EPHA6: variants seen among roughly 807,000 people sequenced by gnomAD.
EPHA6 encodes the protein ephrin type-A receptor 6.
A neutral mutation model predicts 112.0 loss-of-function variants in EPHA6; 50 were observed. The observed-to-expected ratio is 0.45, with a 90% confidence interval of 0.36 to 0.56. The LOEUF is 0.56. EPHA6 is among the 20% of genes least tolerant of loss of function. EPHA6 has a pLI of 0.00. For missense variants in EPHA6, 1,280 were observed against 1,417.4 expected, an observed-to-expected ratio of 0.90 and a Z score of 1.56; for synonymous variants, 529 against 490.7, an observed-to-expected ratio of 1.08 and a Z score of -1.03.
intron 6 of EPHA6, among the ~76,000 whole-genome samples, chr3:97,433,706 G>A (rs1431430314): frequency 2.6e-5 from 4 of 152,126 alleles, no homozygotes; most frequent in African/African-American, 9.7e-5. Flanking sequence ...AAAGTCAGGT[G>A]GATGACCTCC....
intron 3 of EPHA6, among the ~76,000 whole-genome samples, chr3:97,030,919 T>C (rs2044807989): frequency 6.6e-6 from 1 of 152,012 alleles, no homozygotes; most frequent in African/African-American, 2.4e-5. Flanking sequence ...ATGTGTGTTA[T>C]TTAACATACT....
intron 17 of EPHA6, among the ~76,000 whole-genome samples, chr3:97,748,216 G>A (rs890375261): frequency 6.6e-6 from 1 of 151,966 alleles, no homozygotes. Flanking sequence ...TGCTAATACT[G>A]TTGCAAATGT....
At chr3:97,712,158 C>A (rs1215985989) in intron 14 of EPHA6, among the ~76,000 whole-genome samples, 1 of 152,070 alleles carries the variant, frequency 6.6e-6, no homozygotes, top group East Asian at 1.9e-4. Flanking sequence ...AAAATAAAAT[C>A]CATTACTTTT....
chr3:97,758,797 T>A lies in EPHA6; in HGVS notation c.*10096T>A, dbSNP rs1414928670. On this transcript the variant is annotated 3_prime_UTR_variant, in exon 18 of 18. Coordinates refer to ENST00000389672, the MANE Select transcript of EPHA6 (RefSeq NM_001080448.3). The stretch of plus-strand genomic sequence containing the variant: ...GAGCATTACAAGCAGAGGGAAAATT[T>A]AATGAATGAAATTACAAGCAGAGGG... 1.3e-5 allele frequency among the ~76,000 whole-genome samples: 2 copies of A among 151,768 alleles called. No individual in the cohort carries two copies. The highest frequency in any genetic ancestry group is 4.8e-5 in the African/African-American group (2 of 41,348).
At chr3:97,440,573 CAATCT>C (rs1462146367) in intron 6 of EPHA6, among the ~76,000 whole-genome samples, 2 of 150,860 alleles carry the variant, frequency 1.3e-5, no homozygotes, top group East Asian at 3.9e-4. Context: ...ACCACATCTC[CAATCT>C]ATTTATTTTA....
At chr3:97,350,008 C>T (rs2083727145) in intron 5 of EPHA6, among the ~76,000 whole-genome samples, 1 of 151,388 alleles carries the variant, frequency 6.6e-6, no homozygotes, top group African/African-American at 2.4e-5. Context: ...CCAGTATGAC[C>T]TACTTCTCAC....
intron 3 of EPHA6, among the ~76,000 whole-genome samples, chr3:97,187,156 T>C (rs1018555260): frequency 6.6e-6 from 1 of 152,176 alleles, no homozygotes; most frequent in African/African-American, 2.4e-5. Context: ...GGTTTAGTCC[T>C]GTGGCTCTTT....
At chr3:97,694,485 C>T (rs1399230138) in intron 14 of EPHA6, among the ~76,000 whole-genome samples, 1 of 152,214 alleles carries the variant, frequency 6.6e-6, no homozygotes, top group African/African-American at 2.4e-5. Flanking sequence ...GATCCACCCG[C>T]CTTGGCCTCC....
chr3:97,106,480 G>C (rs532013181), intron 3 of EPHA6, among the ~76,000 whole-genome samples: 8 of 152,070 alleles, frequency 5.3e-5, no homozygotes, highest in African/African-American at 1.9e-4. Context: ...AGGCCGCTGA[G>C]CAGCCTGACT....
Position 97,244,136 on chromosome 3 carries a change from A to G in EPHA6, c.1455A>G (p.Arg485=). 2 of 1,613,066 alleles carry G rather than the reference A, an allele frequency of 1.2e-6. No homozygotes were observed. The highest frequency in any genetic ancestry group is 1.7e-6 in the Non-Finnish European group (2 of 1,179,348). The change falls in exon 5 of 18, where the codon AGA becomes AGG. Residue 485 remains arginine (R), a synonymous_variant. Coordinates refer to ENST00000389672, the MANE Select transcript of EPHA6 (RefSeq NM_001080448.3). Reference sequence around the variant, plus strand: ...GTGGAGGACTCCGCTTCATCCCAAGACATACAGGCCTGATCAACAATTCCG... The same window carrying G: ...GTGGAGGACTCCGCTTCATCCCAAGGCATACAGGCCTGATCAACAATTCCG... ...DCGGGLRFIP[R]HTGLINNSVI...
intron 3 of EPHA6, among the ~76,000 whole-genome samples, chr3:97,182,088 G>T (rs1305091203): frequency 6.6e-6 from 1 of 151,980 alleles, no homozygotes; most frequent in Non-Finnish European, 1.5e-5. Context: ...AACAAACTTG[G>T]TGCTTGCCCT....
intron 14 of EPHA6, among the ~76,000 whole-genome samples, chr3:97,664,622 T>A (rs370309130): frequency 1.3e-5 from 2 of 152,144 alleles, no homozygotes; most frequent in South Asian, 4.2e-4. Context: ...CTTGAGCAAA[T>A]TCTCAGGATA....
Position 97,484,552 on chromosome 3 carries a change from T to C in EPHA6, c.2200+493T>C, listed in dbSNP as rs1577541810. ...TTCCAATCTTAGAACATTTTATTAT[T>C]CAACTATCCTGAATAAATACAAATT... On this transcript the variant is annotated intron_variant, in intron 10 of 17. Transcript: ENST00000389672. 5.9e-5 allele frequency among the ~76,000 whole-genome samples: 9 copies of C among 152,360 alleles called. No homozygotes were observed. In the South Asian group the frequency reaches 1.9e-3, roughly 32 times the overall value.
intron 14 of EPHA6, among the ~76,000 whole-genome samples, chr3:97,674,987 G>A (rs1348037725): frequency 6.6e-6 from 1 of 152,104 alleles, no homozygotes; most frequent in Non-Finnish European, 1.5e-5. Context: ...CAGCCTTAGG[G>A]GGATTTTTGC....
chr3:97,732,247 ATCACATC>A (rs2035068576), intron 15 of EPHA6, among the ~76,000 whole-genome samples: 1 of 151,148 alleles, frequency 6.6e-6, no homozygotes, highest in African/African-American at 2.4e-5. Context: ...TGCATTCTAG[ATCACATC>A]TCCTTTCCTC....
intron 5 of EPHA6, among the ~76,000 whole-genome samples, chr3:97,295,620 T>A (rs1001494350): frequency 3.3e-5 from 5 of 152,140 alleles, no homozygotes; most frequent in Non-Finnish European, 2.9e-5. Context: ...TCCTTTTTTT[T>A]AATGTTTCTT....
At chr3:97,187,122 G>A (rs1276122740) in intron 3 of EPHA6, among the ~76,000 whole-genome samples, 2 of 151,964 alleles carry the variant, frequency 1.3e-5, no homozygotes, top group African/African-American at 2.4e-5. Flanking sequence ...TTTATTTCTC[G>A]TTCACATTAT....
chr3:97,659,354 G>A (rs1032984421), intron 14 of EPHA6, among the ~76,000 whole-genome samples: 53 of 151,794 alleles, frequency 3.5e-4, no homozygotes, highest in African/African-American at 2.9e-4. Flanking sequence ...CAGGCTTTTC[G>A]GTGACATTTT....
chr3:97,434,201 G>T lies in EPHA6; in HGVS notation c.1732-14367G>T, dbSNP rs78652952. Among the ~76,000 whole-genome samples the T allele has an allele frequency of 8.1e-3, 1,231 of 152,170 alleles. 20 individuals are homozygous for T. Among genetic ancestry groups the T allele is most frequent in the African/African-American group, 0.028 (1,149 of 41,526 alleles). ...CATTGGAAGCTGCATTGTGTAATAA[G>T]TAACAGCATAGAATTTAGAGCTAGA... On this transcript the variant is annotated intron_variant, in intron 6 of 17. Coordinates refer to ENST00000389672, the MANE Select transcript of EPHA6 (RefSeq NM_001080448.3).
Sources: gnomAD v4.1 joint callset for allele counts (sites outside exome capture counted in the v4.1 genomes callset) on GRCh38, gnomAD v4.1.1 for gene constraint, MANE v1.5 for transcripts, NCBI Gene and HGNC (gene_info 2026-07-23, HGNC 2026-07-21) for gene names.